Variants in MALT1 observed in about 807,000 individuals in gnomAD.
The protein encoded by MALT1 is mucosa-associated lymphoid tissue lymphoma translocation protein 1.
A neutral mutation model predicts 85.5 loss-of-function variants in MALT1; 36 were observed. The ratio of observed to expected loss-of-function variants is 0.42; its 90% confidence interval spans 0.32 to 0.56. The LOEUF (loss-of-function observed/expected upper bound fraction) is 0.56. Among genes scored for constraint, MALT1 ranks in the 20% least tolerant of loss-of-function variants. MALT1 has a pLI of 0.10. For missense variants in MALT1, 716 were observed against 981.6 expected (o/e 0.73, Z 3.62); for synonymous variants, 359 against 361.3 (o/e 0.99, Z 0.07).
At position 58,749,744 on chromosome 18, in the gene MALT1, A is replaced by C. The variant is rs1392739621; in HGVS notation, c.*1902A>C. 4.6e-6 allele frequency: 1 copy of C among 218,400 alleles called. No homozygotes were observed. Among genetic ancestry groups the C allele is most frequent in the Non-Finnish European group, 9.2e-6 (1 of 108,734 alleles). 13.5% of individuals were successfully genotyped at this position (218,400 alleles called of 1,614,324 possible). ...GATTGTCTTATTACAGCATTTGATA[A>C]AATCCAAAACTCTTTCATAAAAACA... On this transcript the variant is annotated 3_prime_UTR_variant, in exon 17 of 17. Coordinates refer to ENST00000649217, the MANE Select transcript of MALT1 (RefSeq NM_006785.4).
intron 2 of MALT1, among the ~76,000 whole-genome samples, chr18:58,688,318 A>ACACG (rs1869102429): frequency 7.0e-6 from 1 of 141,870 alleles, no homozygotes; most frequent in Non-Finnish European, 1.6e-5. Context: ...ACACACACAC[A>ACACG]CACACACACG....
rs922193812 is a variant in MALT1 at position 58,700,289 on chromosome 18, C to T, written c.499-152C>T. The T allele has an allele frequency of 3.3e-5, 17 of 521,146 alleles. No individual in the cohort carries two copies. In the East Asian group the frequency reaches 4.5e-4, roughly 14 times the overall value. 32.3% of individuals were successfully genotyped at this position (521,146 alleles called of 1,614,324 possible). Reference sequence around the variant, plus strand: ...TACTTCAGTCCTAAATAACTCAAAGCGTTACTGTTTTTAACTCAGAAATGT... The same window carrying T: ...TACTTCAGTCCTAAATAACTCAAAGTGTTACTGTTTTTAACTCAGAAATGT... On this transcript the variant is annotated intron_variant, in intron 3 of 16. Transcript: ENST00000649217.
intron 4 of MALT1, among the ~76,000 whole-genome samples, chr18:58,705,971 T>C (rs1278413038): frequency 6.6e-6 from 1 of 152,132 alleles, no homozygotes; most frequent in African/African-American, 2.4e-5. Context: ...TTTCTCCACA[T>C]CCTCTCCAGC....
chr18:58,708,219 TCTC>T (rs1358542730), intron 4 of MALT1, among the ~76,000 whole-genome samples: 1 of 152,118 alleles, frequency 6.6e-6, no homozygotes, highest in Admixed American at 6.5e-5. Flanking sequence ...TTAGCTCTCC[TCTC>T]CTCCTTCGCC....
At chr18:58,699,708 C>T (rs2054644101) in intron 3 of MALT1, among the ~76,000 whole-genome samples, 1 of 152,196 alleles carries the variant, frequency 6.6e-6, no homozygotes, top group Non-Finnish European at 1.5e-5. Flanking sequence ...TTAACCTGTT[C>T]TTTGCAAGGG....
chr18:58,711,601 A>C (rs2054831953), intron 7 of MALT1, among the ~76,000 whole-genome samples: 1 of 152,206 alleles, frequency 6.6e-6, no homozygotes, highest in South Asian at 2.1e-4. Context: ...AATTGTAATG[A>C]GTAAATATTA....
intron 10 of MALT1, among the ~76,000 whole-genome samples, chr18:58,726,796 C>A (rs1464027626): frequency 6.6e-6 from 1 of 152,240 alleles, no homozygotes; most frequent in Admixed American, 6.5e-5. Context: ...TCATCGCTTG[C>A]TGCAGCTTAG....
intron 4 of MALT1, among the ~76,000 whole-genome samples, chr18:58,709,128 G>C (rs2054797009): frequency 2.0e-5 from 3 of 152,162 alleles, no homozygotes; most frequent in Non-Finnish European, 4.4e-5. Flanking sequence ...CACTTTTAAA[G>C]CTTTGAGAAG....
rs765831134 is a variant in MALT1, at chr18:58,753,010, T to C, written c.*5168T>C. On this transcript the variant is annotated 3_prime_UTR_variant, in exon 17 of 17. Coordinates refer to ENST00000649217, the MANE Select transcript of MALT1 (RefSeq NM_006785.4). ...ACTTGCCTGTGCTTCTGTTTCCTTATCTGTAAAATGGGGATGATGCTGTAA... is the reference window on the plus strand; with the variant it reads ...ACTTGCCTGTGCTTCTGTTTCCTTACCTGTAAAATGGGGATGATGCTGTAA... 3.4e-5 allele frequency: 4 copies of C among 117,780 alleles called. No individual in the cohort carries two copies. Among genetic ancestry groups the C allele is most frequent in the Non-Finnish European group, 5.0e-5 (3 of 60,186 alleles). The allele number at this position is 117,780 out of a possible 1,614,324, so 7.3% of individuals were successfully genotyped here.
intron 13 of MALT1, 31 bp from the exon 14 acceptor site, chr18:58,741,834 T>C (rs1426577559): frequency 1.4e-6 from 2 of 1,383,338 alleles, no homozygotes; most frequent in Non-Finnish European, 2.0e-6. Context: ...TTGGTGGTCT[T>C]AAAAATAATA....
At chr18:58,726,342 G>A (rs2055054152) in intron 10 of MALT1, among the ~76,000 whole-genome samples, 1 of 152,192 alleles carries the variant, frequency 6.6e-6, no homozygotes, top group South Asian at 2.1e-4. Flanking sequence ...ATGTAAGTGT[G>A]GTAGAGGCTT....
intron 10 of MALT1, among the ~76,000 whole-genome samples, chr18:58,729,798 G>A (rs1229166193): frequency 1.3e-5 from 2 of 152,206 alleles, no homozygotes; most frequent in East Asian, 1.9e-4. Context: ...CTCAGAGTGT[G>A]TAAATGTAAA....
intron 9 of MALT1, among the ~76,000 whole-genome samples, chr18:58,719,528 G>T (rs1435598506): frequency 6.6e-6 from 1 of 152,176 alleles, no homozygotes; most frequent in Non-Finnish European, 1.5e-5. Context: ...AGTGGAAACT[G>T]TCAGAGCTTT....
intron 8 of MALT1, among the ~76,000 whole-genome samples, 192 bp downstream of exon 8, chr18:58,714,301 G>T (rs1387301895): frequency 6.6e-6 from 1 of 152,074 alleles, no homozygotes; most frequent in Non-Finnish European, 1.5e-5. Flanking sequence ...AATATTTTAG[G>T]TTATAAAACT....
chr18:58,689,636 TAG>T (rs1180009024), intron 2 of MALT1, among the ~76,000 whole-genome samples: 1 of 152,118 alleles, frequency 6.6e-6, no homozygotes, highest in Non-Finnish European at 1.5e-5. Flanking sequence ...ACAGGGATTT[TAG>T]AGAGTGAAGG....
intron 1 of MALT1, among the ~76,000 whole-genome samples, chr18:58,673,081 A>G (rs1024760923): frequency 6.6e-6 from 1 of 152,134 alleles, no homozygotes; most frequent in Non-Finnish European, 1.5e-5. Context: ...TTACAGTATA[A>G]TTATTTGTAC....
chr18:58,677,284 G>A (rs192231746), intron 1 of MALT1, among the ~76,000 whole-genome samples: 13 of 152,056 alleles, frequency 8.5e-5, no homozygotes, highest in African/African-American at 2.7e-4. Flanking sequence ...TGTTCTTTTG[G>A]GGGGGAAGGA....
chr18:58,698,045 G>T lies in MALT1; in HGVS notation c.498+1558G>T, dbSNP rs1414242822. ...GGTAGGATTCGTGGGGTTTTTTGTT[G>T]TTGTTGTTGTTGTTTTGTTTTGTTT... On this transcript the variant is annotated intron_variant, in intron 3 of 16. Transcript: ENST00000649217. 6.1e-3 allele frequency among the ~76,000 whole-genome samples: 848 copies of T among 139,322 alleles called. 2 individuals carry two copies. Among genetic ancestry groups the T allele is most frequent in the Middle Eastern group, 0.015 (4 of 266 alleles). The allele number at this position is 139,322 out of a possible 152,430, so 91.4% of individuals were successfully genotyped here.
rs1235494464 is a variant in MALT1 at position 58,745,779 on chromosome 18, G to A, written c.2025G>A (p.Leu675=). 5 of 1,610,090 alleles carry A rather than the reference G, an allele frequency of 3.1e-6. No individual in the cohort carries two copies. The Admixed American group carries it at 6.8e-5, about 22-fold the overall frequency. ...GCCTCTATACCAGACTCAGTTCACT[G>A]CAAAAATTAAAGGTTACTACCTTTT... is the stretch of plus-strand genomic sequence containing the variant. ...KHCLYTRLSS[L]QKLKEHLVFT... Residue 675 remains leucine (L), a synonymous_variant, in exon 16 of 17, where the codon CTG becomes CTA. Transcript: ENST00000649217.
Sources: gnomAD v4.1 joint callset for allele counts (sites outside exome capture counted in the v4.1 genomes callset) on GRCh38, gnomAD v4.1.1 for gene constraint, MANE v1.5 for transcripts, NCBI Gene and HGNC (gene_info 2026-07-23, HGNC 2026-07-21) for gene names.